Variants in TENM3 observed in about 807,000 individuals in gnomAD.
TENM3 encodes teneurin-3.
Under a neutral mutation model 255.1 loss-of-function variants are expected in TENM3, and 63 were observed. The ratio of observed to expected loss-of-function variants is 0.25; its 90% CI spans 0.20 to 0.30. The LOEUF (loss-of-function observed/expected upper bound fraction) is 0.30. Among genes scored for constraint, TENM3 ranks in the 10% least tolerant of loss-of-function variants. The pLI is 1.00. For missense variants in TENM3, 2,929 were observed against 3,461.1 expected, an observed-to-expected ratio of 0.85 and a Z score of 3.86; for synonymous variants, 1,306 against 1,322.3, an observed-to-expected ratio of 0.99 and a Z score of 0.27.
intron 22 of TENM3, among the ~76,000 whole-genome samples, chr4:182,765,912 T>G (rs1443432540): frequency 6.6e-6 from 1 of 152,206 alleles, no homozygotes; most frequent in Non-Finnish European, 1.5e-5. Context: ...TTACCAAATT[T>G]CCTCTGCTAA....
At chr4:181,553,334 A>G in the TENM3 span, among the ~76,000 whole-genome samples, 1 of 124,518 alleles carries the variant, frequency 8.0e-6, no homozygotes, top group Non-Finnish European at 1.8e-5. Context: ...ATATATATAT[A>G]TACACACACA....
intron 3 of TENM3, among the ~76,000 whole-genome samples, chr4:182,395,254 G>A (rs570466618): frequency 6.6e-6 from 1 of 152,218 alleles, no homozygotes; most frequent in Admixed American, 6.5e-5. Flanking sequence ...TATACAGCCT[G>A]GCTTTTTCAG....
At chr4:182,133,626 AACATTTAT>A in the TENM3 span, among the ~76,000 whole-genome samples, 2 of 152,232 alleles carry the variant, frequency 1.3e-5, no homozygotes, top group Admixed American at 6.5e-5. Flanking sequence ...CTCAGTTTAT[AACATTTAT>A]TTTACGACTC....
chr4:182,619,639 T>C (rs2152449198), intron 4 of TENM3, among the ~76,000 whole-genome samples: 1 of 144,382 alleles, frequency 6.9e-6, no homozygotes, highest in South Asian at 2.2e-4. Context: ...TCCACCGTTC[T>C]TGTCTTGTTG....
intron 1 of TENM3, among the ~76,000 whole-genome samples, chr4:182,210,334 T>G (rs184262775): frequency 2.0e-3 from 306 of 152,234 alleles, no homozygotes; most frequent in Admixed American, 4.4e-3. Flanking sequence ...AAAATAGGCT[T>G]CTTTTCCCCC....
intron 3 of TENM3, among the ~76,000 whole-genome samples, chr4:182,527,867 A>G (rs766142808): frequency 6.6e-6 from 1 of 152,110 alleles, no homozygotes; most frequent in African/African-American, 2.4e-5. Flanking sequence ...AGCTGGGACT[A>G]CAGGCACATG....
chr4:182,205,732 T>G (rs1221977925), intron 1 of TENM3, among the ~76,000 whole-genome samples: 1 of 152,272 alleles, frequency 6.6e-6, no homozygotes, highest in Non-Finnish European at 1.5e-5. Flanking sequence ...CAAATTATTC[T>G]TCTCACATTT....
intron 2 of TENM3, among the ~76,000 whole-genome samples, chr4:182,338,010 T>A (rs2150596079): frequency 6.6e-6 from 1 of 152,208 alleles, no homozygotes; most frequent in South Asian, 2.1e-4. Context: ...GTGGGAGTGA[T>A]CTTATCTTGC....
the TENM3 span, among the ~76,000 whole-genome samples, chr4:181,744,141 A>G: frequency 6.6e-6 from 1 of 152,208 alleles, no homozygotes; most frequent in Non-Finnish European, 1.5e-5. Context: ...ATGTCGCTGC[A>G]AAGGACATGA....
At chr4:182,503,490 A>G (rs1736520471) in intron 3 of TENM3, among the ~76,000 whole-genome samples, 2 of 152,078 alleles carry the variant, frequency 1.3e-5, no homozygotes, top group Admixed American at 1.3e-4. Flanking sequence ...CACTTACTAC[A>G]TATATACTCA....
chr4:182,090,408 A>T, the TENM3 span, among the ~76,000 whole-genome samples: 2 of 152,158 alleles, frequency 1.3e-5, no homozygotes, highest in African/African-American at 2.4e-5. Context: ...TGCATTTTTT[A>T]AAATCAATTA....
At chr4:181,728,295 A>G in the TENM3 span, among the ~76,000 whole-genome samples, 6 of 152,148 alleles carry the variant, frequency 3.9e-5, no homozygotes, top group Admixed American at 2.6e-4. Flanking sequence ...CGCACAAGAA[A>G]GAATTTGGGG....
the TENM3 span, among the ~76,000 whole-genome samples, chr4:181,852,894 C>T: frequency 1.3e-5 from 2 of 152,162 alleles, no homozygotes; most frequent in Non-Finnish European, 2.9e-5. Context: ...ACGTACTTAA[C>T]GCCACTGAAT....
intron 1 of TENM3, among the ~76,000 whole-genome samples, chr4:182,188,697 G>A (rs146891837): frequency 4.4e-4 from 67 of 152,198 alleles, no homozygotes; most frequent in African/African-American, 1.5e-3. Context: ...ACATGGTCCG[G>A]GTATCAAAAT....
the TENM3 span, among the ~76,000 whole-genome samples, chr4:181,895,363 C>T: frequency 1.2e-4 from 18 of 151,970 alleles, no homozygotes; most frequent in African/African-American, 1.9e-4. Flanking sequence ...AATCAAACTA[C>T]GTAAGATAAC....
chr4:181,635,453 T>C, the TENM3 span, among the ~76,000 whole-genome samples: 1 of 152,130 alleles, frequency 6.6e-6, no homozygotes, highest in African/African-American at 2.4e-5. Context: ...TAATTTGACA[T>C]GGAAAAAGGG....
At chr4:182,383,986 T>A (rs1767738447) in intron 3 of TENM3, among the ~76,000 whole-genome samples, 1 of 152,178 alleles carries the variant, frequency 6.6e-6, no homozygotes, top group African/African-American at 2.4e-5. Flanking sequence ...CTTGAGCTCA[T>A]GCCAGGCTCT....
chr4:181,895,368 GA>G, the TENM3 span, among the ~76,000 whole-genome samples: 1 of 151,844 alleles, frequency 6.6e-6, no homozygotes, highest in Non-Finnish European at 1.5e-5. Context: ...AACTACGTAA[GA>G]TAACCTAATT....
chr4:181,706,444 G>A, the TENM3 span, among the ~76,000 whole-genome samples: 2 of 152,082 alleles, frequency 1.3e-5, no homozygotes, highest in Non-Finnish European at 2.9e-5. Context: ...TGACTGTTGT[G>A]GCACAGCACA....
Sources: gnomAD v4.1 joint callset for allele counts (sites outside exome capture counted in the v4.1 genomes callset) on GRCh38, gnomAD v4.1.1 for gene constraint, MANE v1.5 for transcripts, NCBI Gene and HGNC (gene_info 2026-07-23, HGNC 2026-07-21) for gene names.